PXDNL: variants seen among roughly 807,000 people sequenced by gnomAD.
PXDNL encodes probable oxidoreductase PXDNL.
A neutral mutation model predicts 150.8 loss-of-function variants in PXDNL; 145 were observed. The ratio of observed to expected loss-of-function variants is 0.96; its 90% confidence interval spans 0.84 to 1.10. PXDNL has a LOEUF of 1.10. PXDNL is among the 50% of genes least tolerant of loss of function. PXDNL has a pLI of 0.00. For missense variants in PXDNL, 2,087 were observed against 1,873.9 expected, an observed-to-expected ratio of 1.11 and a Z score of -2.10; for synonymous variants, 757 against 725.7, an observed-to-expected ratio of 1.04 and a Z score of -0.69.
intron 16 of PXDNL, among the ~76,000 whole-genome samples, chr8:51,410,307 A>G (rs1808590846): frequency 6.6e-6 from 1 of 152,244 alleles, no homozygotes; most frequent in South Asian, 2.1e-4. Flanking sequence ...TTCACTAATC[A>G]TACTAAAAGT....
At chr8:51,718,547 C>T (rs1165068993) in intron 1 of PXDNL, among the ~76,000 whole-genome samples, 2 of 152,244 alleles carry the variant, frequency 1.3e-5, no homozygotes, top group Non-Finnish European at 2.9e-5. Context: ...CATAGTTTGC[C>T]TCTAACTGCA....
intron 2 of PXDNL, among the ~76,000 whole-genome samples, chr8:51,615,047 C>A (rs1470365135): frequency 6.6e-6 from 1 of 152,124 alleles, no homozygotes; most frequent in Non-Finnish European, 1.5e-5. Flanking sequence ...CATAGAAAAT[C>A]AAATGCAGAT....
intron 3 of PXDNL, among the ~76,000 whole-genome samples, chr8:51,578,936 C>A (rs1813146825): frequency 6.6e-6 from 1 of 151,976 alleles, no homozygotes. Flanking sequence ...CTAAGCCTCA[C>A]ACCTTTTACA....
intron 16 of PXDNL, among the ~76,000 whole-genome samples, chr8:51,409,929 G>A (rs1808579803): frequency 6.6e-6 from 1 of 152,166 alleles, no homozygotes; most frequent in Non-Finnish European, 1.5e-5. Flanking sequence ...GCTAGAAGAA[G>A]CAAAATGGAA....
intron 1 of PXDNL, among the ~76,000 whole-genome samples, chr8:51,658,549 C>G (rs997887307): frequency 2.0e-5 from 3 of 152,048 alleles, no homozygotes; most frequent in African/African-American, 7.2e-5. Context: ...AGCTGAAATT[C>G]TAGGAAAACA....
chr8:51,414,071 G>C (rs181432992), intron 14 of PXDNL, among the ~76,000 whole-genome samples: 1 of 152,112 alleles, frequency 6.6e-6, no homozygotes, highest in African/African-American at 2.4e-5. Flanking sequence ...TGAAAATAAT[G>C]TCATTTAGGG....
intron 3 of PXDNL, among the ~76,000 whole-genome samples, chr8:51,570,861 A>G (rs1399940445): frequency 1.3e-5 from 2 of 151,902 alleles, no homozygotes; most frequent in African/African-American, 2.4e-5. Flanking sequence ...TTTATTATAT[A>G]TATTGTAACT....
chr8:51,419,727 A>ATTTT (rs1808896640), intron 14 of PXDNL, among the ~76,000 whole-genome samples: 1 of 152,248 alleles, frequency 6.6e-6, no homozygotes, highest in African/African-American at 2.4e-5. Context: ...GTAAGTTATT[A>ATTTT]TTAAATATTT....
At chr8:51,662,018 C>T (rs1815282230) in intron 1 of PXDNL, among the ~76,000 whole-genome samples, 2 of 152,078 alleles carry the variant, frequency 1.3e-5, no homozygotes, top group Admixed American at 6.6e-5. Flanking sequence ...ATGAAATTCC[C>T]ATCCCACATC....
intron 1 of PXDNL, among the ~76,000 whole-genome samples, chr8:51,715,919 A>T (rs546649860): frequency 2.4e-4 from 36 of 152,172 alleles, no homozygotes; most frequent in African/African-American, 8.7e-4. Flanking sequence ...AAAAAAAAAA[A>T]TGCTATTCAG....
chr8:51,395,346 G>A (rs972075285), intron 17 of PXDNL, among the ~76,000 whole-genome samples: 2 of 152,144 alleles, frequency 1.3e-5, no homozygotes, highest in South Asian at 2.1e-4. Context: ...AGAAATCATC[G>A]ATGCAGGTAT....
chr8:51,473,413 C>T (rs1310834940), intron 7 of PXDNL, among the ~76,000 whole-genome samples: 1 of 151,646 alleles, frequency 6.6e-6, no homozygotes, highest in Non-Finnish European at 1.5e-5. Context: ...ATAGGTAGGT[C>T]AGTGGGAAGG....
chr8:51,584,565 T>C (rs763331982), intron 3 of PXDNL, among the ~76,000 whole-genome samples: 4 of 152,176 alleles, frequency 2.6e-5, no homozygotes, highest in Non-Finnish European at 5.9e-5. Flanking sequence ...ATCTGTTATG[T>C]GATCATCAGA....
chr8:51,436,558 T>A (rs1219358469), intron 12 of PXDNL: 1 of 242,368 alleles, frequency 4.1e-6, no homozygotes, highest in African/African-American at 2.3e-5. Flanking sequence ...TCCAAAAGGA[T>A]CCCTCAAAAC....
chr8:51,400,427 T>C (rs1808212340), intron 17 of PXDNL, among the ~76,000 whole-genome samples: 1 of 152,228 alleles, frequency 6.6e-6, no homozygotes, highest in African/African-American at 2.4e-5. Flanking sequence ...GGATTGGTGA[T>C]GCTCAACCTG....
chr8:51,603,247 A>G (rs575374766), intron 2 of PXDNL, among the ~76,000 whole-genome samples: 2 of 151,870 alleles, frequency 1.3e-5, no homozygotes, highest in African/African-American at 4.8e-5. Context: ...AATTTTAAAG[A>G]TTTTTTTCTG....
rs115879680 is a variant in PXDNL at position 51,631,328 on chromosome 8, G to C, written c.236+23361C>G. Among the ~76,000 whole-genome samples the C allele has an allele frequency of 5.3e-3, 801 of 152,186 alleles. 6 individuals carry two copies. The highest frequency in any genetic ancestry group is 0.03 in the South Asian group (144 of 4,826). ...AAAAAATTGAGAAACTACCTATTGG[G>C]TATGATGCTCATTAGCTGGGTAATG... On this transcript the variant is annotated intron_variant, in intron 2 of 22. Coordinates refer to ENST00000356297, the MANE Select transcript of PXDNL (RefSeq NM_144651.5).
At position 51,809,240 on chromosome 8, in the gene PXDNL, G is replaced by C. The variant is rs748428707; in HGVS notation, c.105C>G (p.Val35=). 1 of 1,612,888 alleles carries C rather than the reference G, an allele frequency of 6.2e-7. No homozygotes were observed. Among genetic ancestry groups the C allele is most frequent in the Non-Finnish European group, 8.5e-7 (1 of 1,179,478 alleles). ...GGTCCAGCATCAAGTGCATGCAGCG[G>C]ACGGTGCTCTTAAAGCAAAGGCACC... The part of the protein sequence containing the change: ...PSRCLCFKST[V]RCMHLMLDHI... The change falls in exon 1 of 23, where the codon GTC becomes GTG. Residue 35 remains valine, a synonymous_variant. Coordinates refer to ENST00000356297, the MANE Select transcript of PXDNL (RefSeq NM_144651.5).
chr8:51,492,766 C>T (rs146577225), intron 5 of PXDNL, among the ~76,000 whole-genome samples: 1,965 of 152,202 alleles, frequency 0.013, 41 homozygotes, highest in African/African-American at 0.045. Context: ...GGCTTGACTA[C>T]GTAAACAAAG....
Sources: allele counts gnomAD v4.1 joint callset (sites outside exome capture counted in the v4.1 genomes callset), GRCh38; gene constraint gnomAD v4.1.1; transcripts MANE v1.5; gene names NCBI Gene and HGNC (gene_info 2026-07-23, HGNC 2026-07-21).